The following ATG7 variants were observed in gnomAD, a reference collection of about 807,000 sequenced individuals.
ATG7 encodes ubiquitin-like modifier-activating enzyme ATG7.
In ATG7, 70 loss-of-function variants were observed where a neutral mutation model predicts 82.4. That is an observed-to-expected ratio of 0.85 (90% CI 0.70 to 1.04). The LOEUF (loss-of-function observed/expected upper bound fraction) is 1.04. Ranked by LOEUF, ATG7 falls within the 50% of genes least tolerant of loss-of-function variation. The probability of loss-of-function intolerance (pLI) is 0.00; values close to 1 mark genes in which losing one functional copy is unlikely to be tolerated. For missense variants in ATG7, 792 were observed against 864.3 expected (o/e 0.92, Z 1.05); for synonymous variants, 287 against 313.0 (o/e 0.92, Z 0.88).
chr3:11,369,954 A>G (rs990098609), intron 18 of ATG7, among the ~76,000 whole-genome samples: 2 of 151,040 alleles, frequency 1.3e-5, no homozygotes, highest in Non-Finnish European at 3.0e-5. Flanking sequence ...TTACAAAACC[A>G]GTTGGGGCAG....
intron 20 of ATG7, among the ~76,000 whole-genome samples, chr3:11,519,541 T>G (rs200673284): frequency 1.4e-3 from 37 of 26,024 alleles, no homozygotes; most frequent in East Asian, 6.4e-3. Context: ...TGAGAGGAGT[T>G]TTTTTTTTTT....
At chr3:11,283,692 C>T (rs1943457091) in intron 3 of ATG7, among the ~76,000 whole-genome samples, 1 of 152,148 alleles carries the variant, frequency 6.6e-6, no homozygotes, top group African/African-American at 2.4e-5. Flanking sequence ...AATCCTAGCA[C>T]TTTGGGAGGC....
At chr3:11,536,411 C>A (rs578114617) in intron 20 of ATG7, among the ~76,000 whole-genome samples, 6 of 152,324 alleles carry the variant, frequency 3.9e-5, no homozygotes, top group Non-Finnish European at 7.4e-5. Context: ...TGGCCAGCGC[C>A]CTGTTCCCAC....
intron 15 of ATG7, 51 bp from the exon 16 acceptor site, chr3:11,360,530 T>G: frequency 1.2e-5 from 18 of 1,542,592 alleles, no homozygotes; most frequent in Non-Finnish European, 1.4e-5. Flanking sequence ...AGCCACAGCT[T>G]GAAATATATG....
At chr3:11,477,712 A>C (rs1184583935) in intron 20 of ATG7, among the ~76,000 whole-genome samples, 1 of 152,204 alleles carries the variant, frequency 6.6e-6, no homozygotes, top group Non-Finnish European at 1.5e-5. Context: ...TTGGAATGTT[A>C]CTGGAACTAC....
intron 18 of ATG7, among the ~76,000 whole-genome samples, chr3:11,373,266 A>AGCC (rs2077161896): frequency 7.1e-6 from 1 of 140,656 alleles, no homozygotes; most frequent in African/African-American, 2.7e-5. Context: ...AAAGCCTTTT[A>AGCC]ATTTAAATGT....
chr3:11,484,958 G>A (rs1320061044), intron 20 of ATG7, among the ~76,000 whole-genome samples: 2 of 152,142 alleles, frequency 1.3e-5, no homozygotes, highest in African/African-American at 4.8e-5. Context: ...GGACAGTTGG[G>A]TTGGTTCCAA....
intron 20 of ATG7, among the ~76,000 whole-genome samples, chr3:11,511,281 C>T (rs529748616): frequency 2.0e-4 from 30 of 152,186 alleles, no homozygotes; most frequent in African/African-American, 4.1e-4. Flanking sequence ...TTTGTCAGGG[C>T]GCTGATTGGT....
chr3:11,401,586 G>C (rs546771700), intron 19 of ATG7, among the ~76,000 whole-genome samples: 1 of 152,146 alleles, frequency 6.6e-6, no homozygotes, highest in African/African-American at 2.4e-5. Flanking sequence ...TTTTAACTTA[G>C]GGGTTTTTTA....
intron 20 of ATG7, among the ~76,000 whole-genome samples, chr3:11,495,258 G>A (rs189366599): frequency 3.5e-4 from 53 of 152,278 alleles, no homozygotes; most frequent in Admixed American, 7.8e-4. Context: ...ACAGAATTAA[G>A]GATCATGGGA....
chr3:11,340,499 AGTCTCTTT>A lies in ATG7; in HGVS notation c.890-145_890-138del. Reference sequence around the variant, plus strand: ...AAGTCTGTGGAAATTCAGGCCCTCAAGTCTCTTTTAGAAAGAAGCAAACCAAAAGCTTG... The same window carrying A: ...AAGTCTGTGGAAATTCAGGCCCTCAATAGAAAGAAGCAAACCAAAAGCTTG... On this transcript the variant is annotated intron_variant, in intron 11 of 20. Coordinates refer to ENST00000693202, the MANE Select transcript of ATG7 (RefSeq NM_001349232.2). 8.2e-6 allele frequency: 5 copies of A among 613,316 alleles called. No individual in the cohort carries two copies. The South Asian group carries it at 1.0e-4, about 13-fold the overall frequency. 38.0% of individuals were successfully genotyped at this position (613,316 alleles called of 1,614,324 possible).
chr3:11,315,694 A>G (rs893632500), intron 9 of ATG7, among the ~76,000 whole-genome samples: 7 of 152,038 alleles, frequency 4.6e-5, no homozygotes, highest in African/African-American at 1.7e-4. Flanking sequence ...TAGCTCTACT[A>G]CAGCTCAGAA....
At chr3:11,558,760 C>T (rs1232437715), downstream of ATG7, 3 of 1,614,138 alleles carry the variant, frequency 1.9e-6, no homozygotes, top group Non-Finnish European at 2.5e-6. Flanking sequence ...CCGGCTCGGG[C>T]TCCTTGTAAT....
At chr3:11,554,717 G>C (rs2072233369) in intron 20 of ATG7, 94 bp from the exon 21 acceptor site, 1 of 1,455,720 alleles carries the variant, frequency 6.9e-7, no homozygotes, top group South Asian at 1.2e-5. Flanking sequence ...TCTGCAGGTG[G>C]GAGCTGCCAT....
At chr3:11,388,346 C>T (rs1202802361) in intron 19 of ATG7, among the ~76,000 whole-genome samples, 6 of 151,944 alleles carry the variant, frequency 3.9e-5, no homozygotes, top group Admixed American at 3.3e-4. Flanking sequence ...AGAGTTCAGA[C>T]GGTTAGTTCT....
intron 20 of ATG7, among the ~76,000 whole-genome samples, chr3:11,484,182 C>T (rs1371063474): frequency 2.0e-5 from 3 of 152,054 alleles, no homozygotes; most frequent in Non-Finnish European, 4.4e-5. Flanking sequence ...TCACTGGAGG[C>T]CAGGAATTCG....
Position 11,348,032 on chromosome 3 carries a change from T to C in ATG7, c.1281T>C (p.Gly427=), listed in dbSNP as rs1391667664. The stretch of plus-strand genomic sequence containing the variant: ...ACCGGCTCCAGAAAATATTCCCCGG[T>C]GTGGTATGTTGTTGCTTTTGCAGAG... The part of the protein sequence containing the change: ...AADRLQKIFP[G]VNARGFNMSI... Residue 427 remains glycine (G), a synonymous_variant, in exon 14 of 21, where the codon GGT becomes GGC. Transcript: ENST00000693202. The C allele has an allele frequency of 2.5e-6, 4 of 1,611,948 alleles. No homozygotes were observed. The African/African-American group carries it at 5.3e-5, about 22-fold the overall frequency.
the ATG7 span, among the ~76,000 whole-genome samples, chr3:11,574,001 A>T: frequency 6.6e-6 from 1 of 152,232 alleles, no homozygotes; most frequent in Non-Finnish European, 1.5e-5. Flanking sequence ...ACCGTCATCA[A>T]CAAGCCATGG....
At chr3:11,547,292 CAT>C (rs1276511962) in intron 20 of ATG7, among the ~76,000 whole-genome samples, 2 of 152,328 alleles carry the variant, frequency 1.3e-5, no homozygotes, top group South Asian at 2.1e-4. Flanking sequence ...TGGGGGCAAA[CAT>C]GTGACACCAT....
Sources: gnomAD v4.1 joint callset for allele counts (sites outside exome capture counted in the v4.1 genomes callset) on GRCh38, gnomAD v4.1.1 for gene constraint, MANE v1.5 for transcripts, NCBI Gene and HGNC (gene_info 2026-07-23, HGNC 2026-07-21) for gene names.